Variants in DCAF10 observed in about 807,000 individuals in gnomAD.
DCAF10 encodes DDB1- and CUL4-associated factor 10.
Under a neutral mutation model 51.9 loss-of-function variants are expected in DCAF10, and 19 were observed. That is an observed-to-expected ratio of 0.37 (90% CI 0.26 to 0.54). The LOEUF (loss-of-function observed/expected upper bound fraction) is 0.54. Among genes scored for constraint, DCAF10 ranks in the 20% least tolerant of loss-of-function variants. The probability of loss-of-function intolerance (pLI) is 0.87; values close to 1 mark genes in which losing one functional copy is unlikely to be tolerated. For synonymous variants in DCAF10, 291 were observed against 297.1 expected, an observed-to-expected ratio of 0.98 and a Z score of 0.21; for missense variants, 510 against 730.6, an observed-to-expected ratio of 0.70 and a Z score of 3.48.
intron 5 of DCAF10, among the ~76,000 whole-genome samples, chr9:37,857,980 C>T (rs1225504668): frequency 6.6e-6 from 1 of 152,108 alleles, no homozygotes; most frequent in Non-Finnish European, 1.5e-5. Context: ...GCTCTTATAC[C>T]ATTCATTGTT....
At chr9:37,812,304 C>T (rs1829373262) in intron 1 of DCAF10, among the ~76,000 whole-genome samples, 1 of 151,618 alleles carries the variant, frequency 6.6e-6, no homozygotes, top group African/African-American at 2.4e-5. Context: ...AATATAAAGC[C>T]ACACTTAGCT....
At chr9:37,821,037 CACT>C (rs1206339745) in intron 2 of DCAF10, among the ~76,000 whole-genome samples, 3 of 152,030 alleles carry the variant, frequency 2.0e-5, no homozygotes. Context: ...CAAAGGCAAC[CACT>C]GTTACCCATT....
intron 1 of DCAF10, among the ~76,000 whole-genome samples, chr9:37,817,556 C>T (rs1390863681): frequency 2.0e-5 from 3 of 151,888 alleles, no homozygotes; most frequent in Non-Finnish European, 4.4e-5. Flanking sequence ...TGAGGTCGCG[C>T]CACCACACTT....
At chr9:37,814,080 CTATA>C (rs58660288) in intron 1 of DCAF10, among the ~76,000 whole-genome samples, 2,517 of 46,614 alleles carry the variant, frequency 0.054, 105 homozygotes, top group Admixed American at 0.07. Context: ...CTATTTGTCA[CTATA>C]TATATATATA....
intron 2 of DCAF10, among the ~76,000 whole-genome samples, chr9:37,839,818 T>C (rs1301306419): frequency 1.3e-5 from 2 of 152,246 alleles, no homozygotes; most frequent in East Asian, 3.8e-4. Flanking sequence ...CGTGTAATTA[T>C]GTACTTACAG....
intron 1 of DCAF10, among the ~76,000 whole-genome samples, chr9:37,802,039 C>T (rs143459471): frequency 7.8e-4 from 119 of 152,284 alleles, no homozygotes; most frequent in African/African-American, 2.7e-3. Context: ...CTATTTAAAA[C>T]TTTGTCTTGT....
chr9:37,854,655 G>C, intron 3 of DCAF10, 125 bp from the exon 4 acceptor site: 2 of 776,908 alleles, frequency 2.6e-6, no homozygotes, highest in Non-Finnish European at 4.2e-6. Context: ...TTGTAATTTT[G>C]AGCCCATTGA....
At chr9:37,859,953 G>T in intron 5 of DCAF10, 95 bp from the exon 6 acceptor site, 1 of 1,429,272 alleles carries the variant, frequency 7.0e-7, no homozygotes. Context: ...AGGAATGACG[G>T]CATGGGAGGT....
rs146568517 is a variant in DCAF10 at position 37,843,362 on chromosome 9, G to A, written c.851+1076G>A. ...TTAGAGGTCATATGTAAAAAGAGAG[G>A]GGCTATTCTTGGAGATTTCTAGCTA... On this transcript the variant is annotated intron_variant, in intron 3 of 6. Transcript: ENST00000377724. Among the ~76,000 whole-genome samples the A allele has an allele frequency of 2.8e-3, 429 of 152,204 alleles. 3 individuals carry two copies. The highest frequency in any genetic ancestry group is 9.8e-3 in the African/African-American group (408 of 41,540).
At chr9:37,818,471 AACTTAT>A (rs1028013084) in intron 1 of DCAF10, among the ~76,000 whole-genome samples, 21 of 152,188 alleles carry the variant, frequency 1.4e-4, no homozygotes, top group Admixed American at 2.0e-4. Flanking sequence ...GCCCACAAAA[AACTTAT>A]ACTTAATCAA....
intron 3 of DCAF10, among the ~76,000 whole-genome samples, chr9:37,845,137 T>A (rs772944389): frequency 2.2e-4 from 33 of 152,118 alleles, no homozygotes; most frequent in Admixed American, 7.9e-4. Flanking sequence ...AAAGAAGAAA[T>A]CATACTGAAG....
chr9:37,850,428 G>A (rs1435601152), intron 3 of DCAF10, among the ~76,000 whole-genome samples: 1 of 152,110 alleles, frequency 6.6e-6, no homozygotes, highest in African/African-American at 2.4e-5. Flanking sequence ...AATATACACA[G>A]CAAAATACTA....
intron 1 of DCAF10, among the ~76,000 whole-genome samples, chr9:37,802,746 G>A (rs1217949423): frequency 6.6e-6 from 1 of 152,156 alleles, no homozygotes; most frequent in African/African-American, 2.4e-5. Context: ...TGTAGCAGTG[G>A]ATGCACACCT....
rs1030726610 is a variant in DCAF10 at position 37,854,097 on chromosome 9, A to AT, written c.852-670dup. On this transcript the variant is annotated intron_variant, in intron 3 of 6. Coordinates refer to ENST00000377724, the MANE Select transcript of DCAF10 (RefSeq NM_024345.5). ...AAGACATCTCATTTTTGAAGTTTCA[A>AT]TTTTTTTTTTTTTGAATAGAGACAG... 5.4e-3 allele frequency among the ~76,000 whole-genome samples: 790 copies of AT among 144,988 alleles called. 5 individuals are homozygous for AT. The highest frequency in any genetic ancestry group is 0.015 in the African/African-American group (602 of 39,928).
At chr9:37,805,467 G>C (rs1245424789) in intron 1 of DCAF10, among the ~76,000 whole-genome samples, 2 of 152,164 alleles carry the variant, frequency 1.3e-5, no homozygotes, top group African/African-American at 4.8e-5. Flanking sequence ...CTGGGTGACA[G>C]AGTGAGACTC....
At chr9:37,827,152 C>G (rs1427186169) in intron 2 of DCAF10, among the ~76,000 whole-genome samples, 1 of 152,050 alleles carries the variant, frequency 6.6e-6, no homozygotes, top group Non-Finnish European at 1.5e-5. Context: ...TGTAAGAACA[C>G]CAACATAAGA....
chr9:37,808,291 C>T (rs1225516923), intron 1 of DCAF10, among the ~76,000 whole-genome samples: 2 of 151,160 alleles, frequency 1.3e-5, no homozygotes, highest in African/African-American at 2.4e-5. Context: ...GCCTATAGTC[C>T]TAGCTACTCA....
chr9:37,849,817 T>C (rs1830581439), intron 3 of DCAF10, among the ~76,000 whole-genome samples: 1 of 150,738 alleles, frequency 6.6e-6, no homozygotes, highest in African/African-American at 2.4e-5. Context: ...GAGGCGGAGG[T>C]TGCAGTGAGC....
At position 37,800,968 on chromosome 9, in the gene DCAF10, G is replaced by T. The variant is rs373032176; in HGVS notation, c.102G>T (p.Pro34=). 2,273 of 1,512,150 alleles carry T rather than the reference G, an allele frequency of 1.5e-3. 4 individuals are homozygous for T. Among genetic ancestry groups the T allele is most frequent in the Non-Finnish European group, 1.8e-3 (2,094 of 1,138,604 alleles). 93.7% of individuals were successfully genotyped at this position (1,512,150 alleles called of 1,614,324 possible). Residue 34 remains proline, a synonymous_variant, in exon 1 of 7, where the codon CCG becomes CCT. Coordinates refer to ENST00000377724, the MANE Select transcript of DCAF10 (RefSeq NM_024345.5). ...PHEGQAAATG[P]PSPLHPGADA... is the part of the protein sequence containing the mutation. ...AGGGGCAGGCAGCAGCCACCGGGCCGCCCTCGCCACTACATCCCGGGGCTG... is the reference window on the plus strand; with the variant it reads ...AGGGGCAGGCAGCAGCCACCGGGCCTCCCTCGCCACTACATCCCGGGGCTG...
Sources: allele counts gnomAD v4.1 joint callset (sites outside exome capture counted in the v4.1 genomes callset), GRCh38; gene constraint gnomAD v4.1.1; transcripts MANE v1.5; gene names NCBI Gene and HGNC (gene_info 2026-07-23, HGNC 2026-07-21).